Variants in DYSF observed in about 807,000 individuals in gnomAD.
The protein encoded by DYSF is dystrophy-associated fer-1-like 1.
Under a neutral mutation model 274.9 loss-of-function variants are expected in DYSF, and 212 were observed. The observed-to-expected ratio is 0.77, with a 90% CI of 0.69 to 0.86. DYSF has a LOEUF of 0.86. Among genes scored for constraint, DYSF ranks in the 40% least tolerant of loss-of-function variants. The pLI is 0.00. For missense variants in DYSF, 2,666 were observed against 2,783.2 expected, an observed-to-expected ratio of 0.96 and a Z score of 0.95; for synonymous variants, 1,091 against 1,078.7, an observed-to-expected ratio of 1.01 and a Z score of -0.22.
chr2:71,466,814 C>T lies in DYSF; in HGVS notation c.-29C>T. Reference sequence around the variant, plus strand: ...TGCTCCCGCTCCCGCCCTGACTGCGCGCCTGTGTGCCGCCGGGGCTGCCCA... The same window carrying T: ...TGCTCCCGCTCCCGCCCTGACTGCGTGCCTGTGTGCCGCCGGGGCTGCCCA... On this transcript the variant is annotated 5_prime_UTR_variant, in exon 1 of 56. Coordinates refer to ENST00000410020, the MANE Select transcript of DYSF (RefSeq NM_001130987.2). 6.7e-7 allele frequency: 1 copy of T among 1,499,198 alleles called. No homozygotes were observed. The highest frequency in any genetic ancestry group is 9.0e-7 in the Non-Finnish European group (1 of 1,110,656). 92.9% of individuals were successfully genotyped at this position (1,499,198 alleles called of 1,614,324 possible). A position where few individuals can be genotyped will look rare whatever the true frequency, so the allele number is the denominator to read the frequency against.
At chr2:71,618,445 T>C (rs1435412446) in intron 40 of DYSF, among the ~76,000 whole-genome samples, 3 of 98,632 alleles carry the variant, frequency 3.0e-5, no homozygotes, top group African/African-American at 8.5e-5. Flanking sequence ...GTGTGTGTGG[T>C]AGAGGTGGGG....
intron 16 of DYSF, among the ~76,000 whole-genome samples, chr2:71,536,402 A>T (rs2089339529): frequency 6.6e-6 from 1 of 152,236 alleles, no homozygotes; most frequent in Non-Finnish European, 1.5e-5. Context: ...AGGGCCTGTG[A>T]GGGAGAGGCC....
chr2:71,551,717 G>A lies in DYSF; in HGVS notation c.1803G>A (p.Val601=), dbSNP rs562084504. Residue 601 remains valine, a synonymous_variant, in exon 19 of 56, where the codon GTG becomes GTA. Coordinates refer to ENST00000410020, the MANE Select transcript of DYSF (RefSeq NM_001130987.2). The part of the protein sequence containing the change: ...EDLPADDILR[V]EKYLRRRKYS... ...TTCCTGCGGATGACATCCTCCGGGT[G>A]GAGGTGAGGGGTGTGGCTCTGGGTG... 20 of 1,602,826 alleles carry A rather than the reference G, an allele frequency of 1.2e-5. No individual in the cohort carries two copies. Among genetic ancestry groups the A allele is most frequent in the Non-Finnish European group, 1.2e-5 (14 of 1,176,426 alleles).
At chr2:71,488,996 T>C (rs1211332731) in intron 3 of DYSF, among the ~76,000 whole-genome samples, 1 of 152,144 alleles carries the variant, frequency 6.6e-6, no homozygotes, top group Non-Finnish European at 1.5e-5. Flanking sequence ...ACCCCCACAT[T>C]GAGCTGGATG....
intron 24 of DYSF, among the ~76,000 whole-genome samples, chr2:71,566,353 C>CAAAAAAAAAAAA (rs773800974): frequency 4.0e-5 from 2 of 49,818 alleles, no homozygotes; most frequent in African/African-American, 7.3e-5. Context: ...TGGTTTCAAG[C>CAAAAAAAAAAAA]AAAAAAAAAA....
chr2:71,526,418 T>TGGGGGGGGGGGGGGGGG, intron 13 of DYSF, 72 bp downstream of exon 13: 1 of 261,504 alleles, frequency 3.8e-6, no homozygotes, highest in Non-Finnish European at 7.0e-6. Flanking sequence ...GGGTGGGCGA[T>TGGGGGGGGGGGGGGGGG]GGCGGGCGGG....
chr2:71,553,757 A>ACC, intron 20 of DYSF, 50 bp from the exon 21 acceptor site: 11 of 461,868 alleles, frequency 2.4e-5, no homozygotes, highest in South Asian at 8.8e-5. Flanking sequence ...ACCCCATCCC[A>ACC]CCCGCCCTCC....
At chr2:71,564,318 A>G in intron 24 of DYSF, 105 bp downstream of exon 24, 1 of 1,506,098 alleles carries the variant, frequency 6.6e-7, no homozygotes, top group Non-Finnish European at 9.2e-7. Flanking sequence ...CTTAGTTCTT[A>G]GGCTGTGGTC....
chr2:71,515,232 T>G (rs2086531841), intron 7 of DYSF, among the ~76,000 whole-genome samples: 1 of 152,204 alleles, frequency 6.6e-6, no homozygotes, highest in South Asian at 2.1e-4. Flanking sequence ...GTCACTTCAC[T>G]GTGTAAGTTC....
At chr2:71,548,278 C>T (rs1419666464) in intron 17 of DYSF, among the ~76,000 whole-genome samples, 1 of 152,220 alleles carries the variant, frequency 6.6e-6, no homozygotes, top group Non-Finnish European at 1.5e-5. Context: ...CTTTCTGTGT[C>T]TTTGTGCATT....
intron 8 of DYSF, 88 bp from the exon 9 acceptor site, chr2:71,516,092 G>T (rs905658646): frequency 3.1e-6 from 4 of 1,306,220 alleles, no homozygotes; most frequent in South Asian, 1.2e-5. Flanking sequence ...ACTGCTAGGC[G>T]TGGAGGCTTG....
chr2:71,559,622 C>A (rs2091585795), intron 22 of DYSF, among the ~76,000 whole-genome samples: 1 of 152,224 alleles, frequency 6.6e-6, no homozygotes, highest in Admixed American at 6.5e-5. Context: ...ACAGGCTCCC[C>A]CTTGCCTCTG....
rs11896727 is a variant in DYSF, at chr2:71,615,696, C to T, written c.4464+2286C>T. Reference sequence around the variant, plus strand: ...GGCCAACCCAGGAGGCAGCTGACCCCGGGTGCAGTTCCAGTGGTTTGCTAG... The same window carrying T: ...GGCCAACCCAGGAGGCAGCTGACCCTGGGTGCAGTTCCAGTGGTTTGCTAG... On this transcript the variant is annotated intron_variant, in intron 40 of 55. Transcript: ENST00000410020. The surrounding 1 kb of genome is among the most constrained non-coding windows in gnomAD (Gnocchi z 4.9). Among the ~76,000 whole-genome samples the T allele has an allele frequency of 0.37, 56,806 of 152,054 alleles. 10,699 individuals are homozygous for T. Among genetic ancestry groups the T allele is most frequent in the Middle Eastern group, 0.43 (127 of 294 alleles).
chr2:71,481,481 A>C (rs1293483691), intron 2 of DYSF, among the ~76,000 whole-genome samples: 1 of 152,188 alleles, frequency 6.6e-6, no homozygotes, highest in African/African-American at 2.4e-5. Flanking sequence ...CGTGCTGCCT[A>C]CCAGGGCCTG....
At chr2:71,497,123 C>T (rs923527778) in intron 3 of DYSF, among the ~76,000 whole-genome samples, 2 of 152,232 alleles carry the variant, frequency 1.3e-5, no homozygotes, top group African/African-American at 4.8e-5. Flanking sequence ...AACTGCCCTA[C>T]AGATTCATCG....
Position 71,466,945 on chromosome 2 carries a change from G to T in DYSF, c.91+12G>T, listed in dbSNP as rs777759927. On this transcript the variant is annotated intron_variant, in intron 1 of 55. Transcript: ENST00000410020. The stretch of plus-strand genomic sequence containing the variant: ...CCTGACTTTCCGAGGTGAGAGCCCC[G>T]TGGCTGCCGCGCCCATGCTCGGGTG... 2 of 1,548,480 alleles carry T rather than the reference G, an allele frequency of 1.3e-6. No homozygotes were observed. Among genetic ancestry groups the T allele is most frequent in the Non-Finnish European group, 8.7e-7 (1 of 1,145,114 alleles).
intron 30 of DYSF, among the ~76,000 whole-genome samples, chr2:71,576,077 G>C (rs778678748): frequency 2.0e-5 from 3 of 152,206 alleles, no homozygotes; most frequent in Admixed American, 1.3e-4. Context: ...TGAAGTCTTC[G>C]GCATGACTGA....
At chr2:71,611,013 G>A (rs2093747144) in intron 36 of DYSF, 1 of 587,874 alleles carries the variant, frequency 1.7e-6, no homozygotes. Context: ...GGAACAAGGT[G>A]ACCTGAACCC....
intron 10 of DYSF, among the ~76,000 whole-genome samples, chr2:71,518,737 A>G (rs1018433136): frequency 2.0e-5 from 3 of 152,092 alleles, no homozygotes; most frequent in Non-Finnish European, 2.9e-5. Context: ...TGAATTTAAA[A>G]TAAGGGGCTT....
Sources: gnomAD v4.1 joint callset for allele counts (sites outside exome capture counted in the v4.1 genomes callset) on GRCh38, gnomAD v4.1.1 for gene constraint, Gnocchi (gnomAD v3.1) non-coding constraint, MANE v1.5 for transcripts, NCBI Gene and HGNC (gene_info 2026-07-23, HGNC 2026-07-21) for gene names.